Variants in CBLC observed in about 807,000 individuals in gnomAD.
The protein encoded by CBLC is Cbl proto-oncogene C.
In CBLC, 46 loss-of-function variants were observed where a neutral mutation model predicts 58.6. That is an observed-to-expected ratio of 0.79 (90% CI 0.62 to 1.00). The LOEUF (loss-of-function observed/expected upper bound fraction) is 1.00. Ranked by LOEUF, CBLC falls within the 50% of genes least tolerant of loss-of-function variation. The pLI, the probability that CBLC is intolerant of heterozygous loss-of-function variation, is 0.00. For missense variants in CBLC, 655 were observed against 625.8 expected (o/e 1.05, Z -0.50); for synonymous variants, 271 against 264.2 (o/e 1.03, Z -0.25).
intron 7 of CBLC, 110 bp from the exon 8 acceptor site, chr19:44,793,362 CCT>C (rs1968101433): frequency 1.7e-6 from 2 of 1,191,038 alleles, no homozygotes; most frequent in South Asian, 3.5e-5. Flanking sequence ...CGTCTCCCTT[CCT>C]CTGTCTGTCT....
intron 9 of CBLC, among the ~76,000 whole-genome samples, chr19:44,797,848 C>T (rs1248024879): frequency 6.6e-6 from 1 of 152,098 alleles, no homozygotes; most frequent in African/African-American, 2.4e-5. Context: ...TCAAGTGATC[C>T]TCCCTCCTTA....
chr19:44,791,732 CAAAAAAAAA>C (rs774565610), intron 6 of CBLC, among the ~76,000 whole-genome samples: 1 of 76,686 alleles, frequency 1.3e-5, no homozygotes, highest in East Asian at 3.5e-4. Flanking sequence ...ACTGCGTCTC[CAAAAAAAAA>C]AAAAAAAAAT....
rs576659089 is a variant in CBLC at position 44,782,878 on chromosome 19, A to G, written c.779+387A>G. 3.3e-5 allele frequency among the ~76,000 whole-genome samples: 5 copies of G among 152,200 alleles called. 1 individual carries two copies. The highest frequency in any genetic ancestry group is 9.6e-5 in the African/African-American group (4 of 41,534). On this transcript the variant is annotated intron_variant, in intron 4 of 10. Coordinates refer to ENST00000647358, the MANE Select transcript of CBLC (RefSeq NM_012116.4). Reference sequence around the variant, plus strand: ...ACATGAGAGTCCTTAAATTATTTCAACCAGGAGTTTTGAGCTGTTGGGTCC... The same window carrying G: ...ACATGAGAGTCCTTAAATTATTTCAGCCAGGAGTTTTGAGCTGTTGGGTCC...
At chr19:44,800,102 C>T (rs1968262386) in intron 9 of CBLC, among the ~76,000 whole-genome samples, 1 of 152,184 alleles carries the variant, frequency 6.6e-6, no homozygotes, top group Non-Finnish European at 1.5e-5. Context: ...ACTGTGTCAC[C>T]CCTGTCCAGG....
intron 5 of CBLC, among the ~76,000 whole-genome samples, chr19:44,788,388 A>G (rs1317932623): frequency 6.6e-6 from 1 of 150,866 alleles, no homozygotes; most frequent in African/African-American, 2.4e-5. Flanking sequence ...AGCCTCTCAG[A>G]GTGCTGGGAT....
intron 4 of CBLC, 123 bp downstream of exon 4, chr19:44,782,614 A>G: frequency 1.3e-6 from 1 of 753,460 alleles, no homozygotes; most frequent in Admixed American, 2.7e-5. Flanking sequence ...AGGACCCCAG[A>G]GAGTTGATAA....
chr19:44,786,867 G>A (rs1266602820), intron 5 of CBLC, among the ~76,000 whole-genome samples: 1 of 152,172 alleles, frequency 6.6e-6, no homozygotes, highest in Non-Finnish European at 1.5e-5. Context: ...CACTTTGGGA[G>A]ACTGAGGCAG....
At chr19:44,799,450 A>T (rs929012179) in intron 9 of CBLC, among the ~76,000 whole-genome samples, 4 of 151,880 alleles carry the variant, frequency 2.6e-5, no homozygotes, top group African/African-American at 9.7e-5. Context: ...CTCCTGCCTC[A>T]GCCTCCCAAG....
chr19:44,781,197 T>A lies in CBLC; in HGVS notation c.501-10T>A. On this transcript the variant is annotated splice_polypyrimidine_tract_variant and intron_variant, in intron 2 of 10. Transcript: ENST00000647358. ...CTCAGCGGTGTCTCCCCCACCCCTC[T>A]CCCACCCAGGTGTGTGCTGCCCTGG... The A allele has an allele frequency of 6.2e-7, 1 of 1,604,368 alleles. No individual in the cohort carries two copies. Among genetic ancestry groups the A allele is most frequent in the Non-Finnish European group, 8.5e-7 (1 of 1,174,458 alleles).
In CBLC at chr19:44,778,115, CG is replaced by C. The variant is rs1040883653; in HGVS notation, c.186del (p.Arg63GlyfsTer216). 3 of 1,600,568 alleles carry C rather than the reference CG, an allele frequency of 1.9e-6. No homozygotes were observed. Among genetic ancestry groups the C allele is most frequent in the Middle Eastern group, 1.7e-4 (1 of 5,986 alleles). ...GCTGCTTCGAGAGGTGGCCCATTCT[CG>C]GCGGGCGGCCGGCGGAGGCGGCCCC... Reference protein sequence around the residue: ...AQLLREVAHSRRAAGGGGPGG... With the variant: ...AQLLREVAHSXRAAGGGGPGG... On this transcript the variant is annotated frameshift_variant, in exon 1 of 11. Transcript: ENST00000647358. LOFTEE classifies it high-confidence loss of function.
intron 1 of CBLC, 124 bp from the exon 2 acceptor site, chr19:44,780,781 C>A (rs893205783): frequency 1.9e-6 from 2 of 1,044,132 alleles, no homozygotes; most frequent in Non-Finnish European, 2.8e-6. Flanking sequence ...CAGGAATGGA[C>A]TCTTACCTTA....
At chr19:44,793,968 A>AG (rs1968123592) in intron 8 of CBLC, 1 of 230,020 alleles carries the variant, frequency 4.3e-6, no homozygotes, top group Admixed American at 6.5e-5. Flanking sequence ...CTAGGAGAGG[A>AG]GGGGGCTGAT....
chr19:44,794,193 T>TG lies in CBLC; in HGVS notation c.1285-11_1285-10insG, dbSNP rs34259391. 9,065 of 1,602,382 alleles carry TG rather than the reference T, an allele frequency of 5.7e-3. 223 individuals are homozygous for TG. In the East Asian group the frequency reaches 0.074, roughly 13 times the overall value. On this transcript the variant is annotated splice_polypyrimidine_tract_variant and intron_variant, in intron 8 of 10. Coordinates refer to ENST00000647358, the MANE Select transcript of CBLC (RefSeq NM_012116.4). ...TCACAAGCCCCTTCTCCTTCCTCTG[T>TG]CCCACCCCAGGTGCCCCTTTCGGCT...
intron 5 of CBLC, among the ~76,000 whole-genome samples, chr19:44,786,596 GAA>G (rs955474882): frequency 8.3e-6 from 1 of 120,180 alleles, no homozygotes; most frequent in African/African-American, 3.1e-5. Flanking sequence ...CTCCGTCTCA[GAA>G]AAAAAAAAAA....
At chr19:44,788,423 C>T (rs1259200136) in intron 5 of CBLC, among the ~76,000 whole-genome samples, 1 of 151,524 alleles carries the variant, frequency 6.6e-6, no homozygotes, top group East Asian at 1.9e-4. Context: ...CTGCTCCCAG[C>T]CAGGGCTGCA....
chr19:44,794,430 T>C, intron 9 of CBLC, 149 bp downstream of exon 9: 1 of 518,112 alleles, frequency 1.9e-6, no homozygotes, highest in Non-Finnish European at 3.4e-6. Flanking sequence ...ACCTCTTCCC[T>C]TGTTTTCATT....
chr19:44,799,809 G>A (rs1968254107), intron 9 of CBLC, among the ~76,000 whole-genome samples: 2 of 142,014 alleles, frequency 1.4e-5, no homozygotes, highest in South Asian at 4.7e-4. Context: ...AAGGAAGGAA[G>A]GAGAGAGCGA....
rs1968126055 is a variant in CBLC at position 44,794,080 on chromosome 19, T to C, written c.1285-124T>C. ...CCCTCCTAAGTGTTCATACGTTGTC[T>C]TGGTCTCTGTTATATCTTGAGTCTA... is the stretch of plus-strand genomic sequence containing the variant. On this transcript the variant is annotated intron_variant, in intron 8 of 10. Coordinates refer to ENST00000647358, the MANE Select transcript of CBLC (RefSeq NM_012116.4). The C allele has an allele frequency of 1.1e-5, 16 of 1,468,488 alleles. No individual in the cohort carries two copies. In the South Asian group the frequency reaches 2.2e-4, roughly 20 times the overall value. 91.0% of individuals were successfully genotyped at this position (1,468,488 alleles called of 1,614,324 possible). A position where few individuals can be genotyped will look rare whatever the true frequency, so the allele number is the denominator to read the frequency against.
At chr19:44,793,652 A>G (rs1213471717) in intron 8 of CBLC, 32 bp downstream of exon 8, 1 of 1,541,040 alleles carries the variant, frequency 6.5e-7, no homozygotes. Context: ...CTGGAATCCA[A>G]ATTCCTGAGG....
Sources: allele counts gnomAD v4.1 joint callset (sites outside exome capture counted in the v4.1 genomes callset), GRCh38; gene constraint gnomAD v4.1.1; transcripts MANE v1.5; gene names NCBI Gene and HGNC (gene_info 2026-07-23, HGNC 2026-07-21).